HSDL2: variants seen among roughly 807,000 people sequenced by gnomAD.
HSDL2 encodes the protein hydroxysteroid dehydrogenase-like protein 2.
HSDL2 carries 27 observed loss-of-function variants against 46.3 expected under a neutral mutation model. The observed-to-expected ratio is 0.58, with a 90% CI of 0.43 to 0.80. The LOEUF is 0.80. Ranked by LOEUF, HSDL2 falls within the 30% of genes least tolerant of loss-of-function variation. The pLI is 0.00. For synonymous variants in HSDL2, 153 were observed against 163.6 expected, an observed-to-expected ratio of 0.94 and a Z score of 0.50; for missense variants, 451 against 502.7, an observed-to-expected ratio of 0.90 and a Z score of 0.98.
chr9:112,440,176 C>CAA (rs1316994998), intron 7 of HSDL2, among the ~76,000 whole-genome samples: 2 of 151,858 alleles, frequency 1.3e-5, no homozygotes. Context: ...TAATTGTGCG[C>CAA]AAGTTTTAAA....
chr9:112,420,395 G>C (rs1020009004), intron 6 of HSDL2, among the ~76,000 whole-genome samples: 1 of 151,950 alleles, frequency 6.6e-6, no homozygotes, highest in Non-Finnish European at 1.5e-5. Context: ...GAGGGACTGG[G>C]TGTGGTGCCT....
At chr9:112,454,981 C>G (rs1832982196) in intron 9 of HSDL2, among the ~76,000 whole-genome samples, 1 of 152,142 alleles carries the variant, frequency 6.6e-6, no homozygotes, top group South Asian at 2.1e-4. Context: ...GCTGAGATTG[C>G]AGGTGTGAGC....
At chr9:112,382,249 A>G (rs1831115659) in intron 1 of HSDL2, among the ~76,000 whole-genome samples, 2 of 152,192 alleles carry the variant, frequency 1.3e-5, no homozygotes, top group South Asian at 4.1e-4. Context: ...TGCGAGAGAG[A>G]GTGAGAGTCT....
At chr9:112,402,353 T>G (rs1474406386) in intron 1 of HSDL2, among the ~76,000 whole-genome samples, 1 of 151,988 alleles carries the variant, frequency 6.6e-6, no homozygotes, top group Admixed American at 6.6e-5. Context: ...GGCCAAGAGT[T>G]TGAGACCTGC....
intron 1 of HSDL2, among the ~76,000 whole-genome samples, chr9:112,400,122 G>A (rs550765802): frequency 9.2e-5 from 14 of 152,274 alleles, no homozygotes; most frequent in African/African-American, 1.4e-4. Flanking sequence ...GAACACAAGC[G>A]ACCATTAACA....
At chr9:112,420,960 C>G (rs551489874) in intron 6 of HSDL2, among the ~76,000 whole-genome samples, 2 of 150,526 alleles carry the variant, frequency 1.3e-5, no homozygotes, top group African/African-American at 4.9e-5. Flanking sequence ...TTTTTTTTTC[C>G]TAAACAGGAA....
intron 6 of HSDL2, among the ~76,000 whole-genome samples, chr9:112,429,214 A>G (rs1207150672): frequency 6.6e-6 from 1 of 152,136 alleles, no homozygotes; most frequent in East Asian, 1.9e-4. Context: ...CTCACTTTAC[A>G]TTCATTCATT....
chr9:112,464,084 C>T (rs148575963), intron 10 of HSDL2, among the ~76,000 whole-genome samples: 1 of 151,948 alleles, frequency 6.6e-6, no homozygotes, highest in African/African-American at 2.4e-5. Flanking sequence ...ATTGAGTTGT[C>T]AGCCAGGCAT....
At chr9:112,413,287 C>T (rs1329857230) in intron 4 of HSDL2, among the ~76,000 whole-genome samples, 5 of 151,580 alleles carry the variant, frequency 3.3e-5, no homozygotes, top group South Asian at 2.1e-4. Flanking sequence ...GAGACCAGCC[C>T]GACGAACATG....
intron 5 of HSDL2, among the ~76,000 whole-genome samples, chr9:112,417,369 T>C (rs1030226295): frequency 4.6e-5 from 7 of 151,482 alleles, no homozygotes; most frequent in African/African-American, 1.7e-4. Context: ...CCTAGCTACT[T>C]GAAAGGCTGA....
At chr9:112,416,358 G>T (rs756158575) in intron 4 of HSDL2, among the ~76,000 whole-genome samples, 13 of 151,952 alleles carry the variant, frequency 8.6e-5, no homozygotes, top group Non-Finnish European at 1.3e-4. Flanking sequence ...GAGCTGGGGA[G>T]GCAGAGGCTA....
intron 10 of HSDL2, among the ~76,000 whole-genome samples, chr9:112,469,993 A>G (rs957326903): frequency 2.0e-5 from 3 of 152,314 alleles, no homozygotes; most frequent in Non-Finnish European, 4.4e-5. Context: ...TTTTGTGTCC[A>G]TACACTATAC....
At chr9:112,413,098 C>T (rs1831914272) in intron 4 of HSDL2, among the ~76,000 whole-genome samples, 2 of 151,684 alleles carry the variant, frequency 1.3e-5, no homozygotes, top group Admixed American at 6.6e-5. Flanking sequence ...AATGAAAGAC[C>T]TCACACTGAC....
chr9:112,417,029 T>C (rs576014452), intron 5 of HSDL2, 85 bp downstream of exon 5: 301 of 552,984 alleles, frequency 5.4e-4, no homozygotes, highest in Admixed American at 8.8e-4. Context: ...GTAATCACAA[T>C]CTGCACATAA....
chr9:112,388,418 G>C (rs1235536837), intron 1 of HSDL2, among the ~76,000 whole-genome samples: 2 of 144,900 alleles, frequency 1.4e-5, no homozygotes, highest in Non-Finnish European at 3.0e-5. Flanking sequence ...CCGAGATCGC[G>C]CCACTGCACT....
At chr9:112,388,175 A>AC (rs1165826650) in intron 1 of HSDL2, among the ~76,000 whole-genome samples, 12 of 151,448 alleles carry the variant, frequency 7.9e-5, no homozygotes, top group African/African-American at 2.7e-4. Flanking sequence ...AAACAAACAA[A>AC]AAAAAACCCA....
In HSDL2 at chr9:112,416,941, TGTGGTAGGTGGTAG is replaced by T; in HGVS notation, c.499+6_499+19del. 1 of 1,508,170 alleles carries T rather than the reference TGTGGTAGGTGGTAG, an allele frequency of 6.6e-7. No individual in the cohort carries two copies. The highest frequency in any genetic ancestry group is 9.2e-7 in the Non-Finnish European group (1 of 1,085,270). 93.4% of individuals were successfully genotyped at this position (1,508,170 alleles called of 1,614,324 possible). On this transcript the variant is annotated splice_donor_variant and splice_donor_5th_base_variant and coding_sequence_variant and intron_variant, in exon 5 of 11. Transcript: ENST00000398805. LOFTEE classifies it high-confidence loss of function. ...AAATCCAGTTTGGTTCAAACAGCAC[TGTGGTAGGTGGTAG>T]GTGGTAGGGTGAGGGGATGGTTTGT...
At chr9:112,426,153 G>A (rs1832238805) in intron 6 of HSDL2, among the ~76,000 whole-genome samples, 1 of 151,880 alleles carries the variant, frequency 6.6e-6, no homozygotes, top group South Asian at 2.1e-4. Context: ...GGCTGTGATA[G>A]CCTCTGTAGT....
intron 1 of HSDL2, among the ~76,000 whole-genome samples, chr9:112,390,737 G>A (rs1831323910): frequency 6.6e-6 from 1 of 152,062 alleles, no homozygotes; most frequent in African/African-American, 2.4e-5. Flanking sequence ...ATAGGTCTGA[G>A]CTACCACACC....
Sources: gnomAD v4.1 joint callset for allele counts (sites outside exome capture counted in the v4.1 genomes callset) on GRCh38, gnomAD v4.1.1 for gene constraint, MANE v1.5 for transcripts, NCBI Gene and HGNC (gene_info 2026-07-23, HGNC 2026-07-21) for gene names.